Variants in DCDC1 observed in about 807,000 individuals in gnomAD.
DCDC1 encodes doublecortin domain-containing protein 1.
A neutral mutation model predicts 178.3 loss-of-function variants in DCDC1; 200 were observed. The ratio of observed to expected loss-of-function variants is 1.12; its 90% CI spans 1.00 to 1.26. The LOEUF (loss-of-function observed/expected upper bound fraction) is 1.26. Among genes scored for constraint, DCDC1 ranks in the 50% most tolerant of loss-of-function variants. DCDC1 has a pLI of 0.00. For missense variants in DCDC1, 1,983 were observed against 1,749.2 expected (o/e 1.13, Z -2.38); for synonymous variants, 690 against 604.8 (o/e 1.14, Z -2.07).
At position 30,968,940 on chromosome 11, in the gene DCDC1, T is replaced by C. The variant is rs79341408; in HGVS notation, c.2592-16372A>G. Among the ~76,000 whole-genome samples, 1,304 of 151,942 alleles carry C rather than the reference T, an allele frequency of 8.6e-3. 5 individuals carry two copies. Among genetic ancestry groups the C allele is most frequent in the Middle Eastern group, 0.014 (4 of 294 alleles). On this transcript the variant is annotated intron_variant, in intron 20 of 38. Transcript: ENST00000684477. ...TCCTTTACTTCTAAGTAAGAGATCA[T>C]TTGCATGATATAATTTGCAAGATAT...
chr11:30,996,471 G>A (rs1488409093), intron 20 of DCDC1, among the ~76,000 whole-genome samples: 1 of 46,398 alleles, frequency 2.2e-5, no homozygotes, highest in Non-Finnish European at 7.8e-5. Context: ...CCCAGTGCAA[G>A]AGTATTGGGA....
chr11:31,284,557 TA>T (rs1403018274), intron 7 of DCDC1, among the ~76,000 whole-genome samples: 1 of 151,994 alleles, frequency 6.6e-6, no homozygotes, highest in East Asian at 1.9e-4. Context: ...TGTTAAAATA[TA>T]AAATGTACAT....
At chr11:31,022,484 G>A (rs776177336) in intron 20 of DCDC1, among the ~76,000 whole-genome samples, 1 of 151,838 alleles carries the variant, frequency 6.6e-6, no homozygotes, top group Middle Eastern at 3.4e-3. Context: ...GGTACTGGGG[G>A]TTATAACTTC....
intron 20 of DCDC1, among the ~76,000 whole-genome samples, chr11:30,955,047 C>T (rs768667865): frequency 3.3e-5 from 5 of 152,234 alleles, no homozygotes; most frequent in Non-Finnish European, 7.3e-5. Context: ...GCTCCTACAA[C>T]TGCAGGTGAA....
chr11:31,136,881 A>G (rs1963199302), intron 10 of DCDC1, among the ~76,000 whole-genome samples: 1 of 152,160 alleles, frequency 6.6e-6, no homozygotes, highest in African/African-American at 2.4e-5. Context: ...ATTGTTCCTC[A>G]TTACAATATT....
intron 20 of DCDC1, among the ~76,000 whole-genome samples, chr11:31,019,401 ATATAT>A (rs1426870184): frequency 6.6e-6 from 1 of 152,032 alleles, no homozygotes; most frequent in Non-Finnish European, 1.5e-5. Flanking sequence ...AGAAGATAAA[ATATAT>A]TATATGTTTG....
chr11:31,254,936 T>G (rs1944311714), intron 8 of DCDC1, among the ~76,000 whole-genome samples: 2 of 152,118 alleles, frequency 1.3e-5, no homozygotes, highest in Non-Finnish European at 2.9e-5. Context: ...ATACATACAT[T>G]AAGCAGAGTC....
At chr11:31,102,846 A>C (rs753803141) in intron 14 of DCDC1, among the ~76,000 whole-genome samples, 2 of 152,170 alleles carry the variant, frequency 1.3e-5, no homozygotes, top group Non-Finnish European at 2.9e-5. Flanking sequence ...AGAAAGTTTT[A>C]TTGGACGGCA....
chr11:31,122,565 T>C (rs915573889), intron 11 of DCDC1, among the ~76,000 whole-genome samples: 1 of 152,144 alleles, frequency 6.6e-6, no homozygotes, highest in East Asian at 1.9e-4. Flanking sequence ...ATACTTTTTA[T>C]TGTAAATTCT....
At chr11:31,295,225 T>C (rs558879286) in intron 6 of DCDC1, among the ~76,000 whole-genome samples, 1 of 152,346 alleles carries the variant, frequency 6.6e-6, no homozygotes, top group South Asian at 2.1e-4. Context: ...ACTGTATTTT[T>C]GTTTGTATTA....
At chr11:31,228,594 T>C (rs1019345391) in intron 9 of DCDC1, among the ~76,000 whole-genome samples, 2 of 151,756 alleles carry the variant, frequency 1.3e-5, no homozygotes, top group Non-Finnish European at 2.9e-5. Context: ...AGACCAAAAA[T>C]AGAAAATCAA....
intron 11 of DCDC1, among the ~76,000 whole-genome samples, chr11:31,123,462 CA>C (rs1961106265): frequency 6.6e-6 from 1 of 151,916 alleles, no homozygotes; most frequent in African/African-American, 2.4e-5. Context: ...AAAACTTAAT[CA>C]GTGCCTCCAA....
chr11:31,148,573 C>T (rs1964745136), intron 9 of DCDC1, among the ~76,000 whole-genome samples: 1 of 151,770 alleles, frequency 6.6e-6, no homozygotes, highest in Admixed American at 6.6e-5. Context: ...TGGAGAATTC[C>T]CTTTTTTGTC....
At chr11:30,983,169 G>T (rs940374714) in intron 20 of DCDC1, among the ~76,000 whole-genome samples, 2 of 152,058 alleles carry the variant, frequency 1.3e-5, no homozygotes, top group Non-Finnish European at 2.9e-5. Flanking sequence ...AAAAAAAAAG[G>T]CTTTGCTTTG....
intron 23 of DCDC1, among the ~76,000 whole-genome samples, 161 bp from the exon 24 acceptor site, chr11:30,922,799 A>G (rs1946334188): frequency 6.6e-6 from 1 of 152,232 alleles, no homozygotes; most frequent in Non-Finnish European, 1.5e-5. Context: ...CAAAAAAATC[A>G]AACTGCTGAT....
intron 20 of DCDC1, among the ~76,000 whole-genome samples, chr11:31,000,051 C>T (rs1196755203): frequency 2.6e-5 from 4 of 152,044 alleles, no homozygotes; most frequent in East Asian, 1.9e-4. Context: ...GAGGAGCAGT[C>T]GGGTCCATTG....
At chr11:30,958,398 C>T (rs1461212434) in intron 20 of DCDC1, among the ~76,000 whole-genome samples, 3 of 152,118 alleles carry the variant, frequency 2.0e-5, no homozygotes, top group Non-Finnish European at 4.4e-5. Context: ...TGATATCACA[C>T]ACAACATTGT....
At chr11:31,284,426 A>G (rs1946671796) in intron 7 of DCDC1, among the ~76,000 whole-genome samples, 1 of 152,088 alleles carries the variant, frequency 6.6e-6, no homozygotes. Context: ...CTGTGATTCT[A>G]ATGTCCAGAA....
At chr11:31,365,283 T>G (rs1951902833) in intron 1 of DCDC1, among the ~76,000 whole-genome samples, 1 of 152,112 alleles carries the variant, frequency 6.6e-6, no homozygotes, top group African/African-American at 2.4e-5. Flanking sequence ...TTTTTGGTGG[T>G]TTTTCTATCT....
Sources: gnomAD v4.1 joint callset for allele counts (sites outside exome capture counted in the v4.1 genomes callset) on GRCh38, gnomAD v4.1.1 for gene constraint, MANE v1.5 for transcripts, NCBI Gene and HGNC (gene_info 2026-07-23, HGNC 2026-07-21) for gene names.